Variants in ITPA observed in about 807,000 individuals in gnomAD.
The protein encoded by ITPA is inosine triphosphate pyrophosphatase.
In ITPA, 29 loss-of-function variants were observed where a neutral mutation model predicts 29.6. The observed-to-expected ratio is 0.98, with a 90% CI of 0.73 to 1.34. The LOEUF is 1.34. ITPA is among the 40% of genes most tolerant of loss of function. The probability of loss-of-function intolerance (pLI) is 0.00; values close to 1 mark genes in which losing one functional copy is unlikely to be tolerated. For missense variants in ITPA, 241 were observed against 251.5 expected (o/e 0.96, Z 0.28); for synonymous variants, 103 against 99.3 (o/e 1.04, Z -0.22).
downstream of ITPA, chr20:3,227,341 A>C (rs2067567273): frequency 8.1e-6 from 2 of 247,538 alleles, no homozygotes; most frequent in Admixed American, 9.7e-5. Context: ...TGTCCCTTGC[A>C]TTCCACTTCC....
intron 1 of ITPA, among the ~76,000 whole-genome samples, chr20:3,212,510 G>A (rs763717666): frequency 2.0e-5 from 3 of 152,012 alleles, no homozygotes; most frequent in Non-Finnish European, 4.4e-5. Context: ...TTGTAAAGAT[G>A]GGGTTTTGCC....
rs1349381823 is a variant in ITPA, at chr20:3,214,033, C to G, written c.238C>G (p.Leu80Val). 6.2e-7 allele frequency: 1 copy of G among 1,614,222 alleles called. No individual in the cohort carries two copies. Among genetic ancestry groups the G allele is most frequent in the South Asian group, 1.1e-5 (1 of 91,086 alleles). ...VEDTCLCFNALGGLPGPYIKW... is the reference protein window; with the variant it reads ...VEDTCLCFNAVGGLPGPYIKW... Reference sequence around the variant, plus strand: ...GGACACTTGTCTGTGCTTCAATGCCCTTGGAGGGCTCCCCGGCCCCTACAT... The same window carrying G: ...GGACACTTGTCTGTGCTTCAATGCCGTTGGAGGGCTCCCCGGCCCCTACAT... Residue 80 changes from leucine to valine, a missense_variant, in exon 4 of 8, where the codon CTT becomes GTT. Coordinates refer to ENST00000380113, the MANE Select transcript of ITPA (RefSeq NM_033453.4).
chr20:3,213,437 G>C, intron 3 of ITPA, 54 bp downstream of exon 3: 4 of 1,608,948 alleles, frequency 2.5e-6, no homozygotes, highest in Non-Finnish European at 3.4e-6. Flanking sequence ...GTAGCTTCCA[G>C]GGCCTGCGCC....
intron 5 of ITPA, 68 bp downstream of exon 5, chr20:3,215,380 G>A: frequency 6.9e-7 from 1 of 1,449,298 alleles, no homozygotes; most frequent in Non-Finnish European, 9.7e-7. Flanking sequence ...CTAGGGGAGG[G>A]ACCCCAACTA....
chr20:3,212,165 C>T (rs2067189584), intron 1 of ITPA, among the ~76,000 whole-genome samples: 1 of 149,216 alleles, frequency 6.7e-6, no homozygotes, highest in Non-Finnish European at 1.5e-5. Flanking sequence ...AGAGAGAGAC[C>T]CTCTCTCAAA....
At chr20:3,215,463 C>T in intron 5 of ITPA, 151 bp downstream of exon 5, 2 of 722,466 alleles carry the variant, frequency 2.8e-6, no homozygotes, top group Non-Finnish European at 5.0e-6. Context: ...GCACCTGCAG[C>T]TCGTACCCTG....
downstream of ITPA, among the ~76,000 whole-genome samples, chr20:3,225,250 C>T (rs2067542659): frequency 6.6e-6 from 1 of 152,072 alleles, no homozygotes; most frequent in Non-Finnish European, 1.5e-5. Context: ...TCCTAGCAAA[C>T]AACTTTAAAA....
intron 5 of ITPA, among the ~76,000 whole-genome samples, chr20:3,218,103 A>G (rs1357204211): frequency 6.6e-6 from 1 of 151,300 alleles, no homozygotes; most frequent in African/African-American, 2.4e-5. Context: ...TATTTTTAGT[A>G]GAGACGGGGT....
At position 3,209,871 on chromosome 20, in the gene ITPA, G is replaced by C. The variant is rs2067132507; in HGVS notation, c.66+254G>C. ...CCGACACAGGGCTTGTGTGGTCAGC[G>C]ACTGCGGGACCCGGAGGAGTAGCGG... On this transcript the variant is annotated intron_variant, in intron 1 of 7. Transcript: ENST00000380113. The surrounding 1 kb of genome is among the most constrained non-coding windows in gnomAD (Gnocchi z 4.6). Among the ~76,000 whole-genome samples, 1 of 152,164 alleles carries C rather than the reference G, an allele frequency of 6.6e-6. No homozygotes were observed. Among genetic ancestry groups the C allele is most frequent in the Non-Finnish European group, 1.5e-5 (1 of 68,026 alleles).
upstream of ITPA, among the ~76,000 whole-genome samples, chr20:3,204,297 G>A (rs1006887992): frequency 6.6e-6 from 1 of 152,190 alleles, no homozygotes; most frequent in Admixed American, 6.5e-5. Flanking sequence ...GTTCCCGGGG[G>A]TGAAGAGAGG....
intron 6 of ITPA, among the ~76,000 whole-genome samples, chr20:3,221,378 C>T (rs1266621067): frequency 1.3e-5 from 2 of 152,098 alleles, no homozygotes; most frequent in Admixed American, 6.5e-5. Context: ...CTTCCTGTTG[C>T]GGTGTTTCAT....
upstream of ITPA, among the ~76,000 whole-genome samples, chr20:3,206,033 G>A (rs1182441146): frequency 6.9e-6 from 1 of 144,802 alleles, no homozygotes; most frequent in Non-Finnish European, 1.5e-5. Context: ...ACCAGCCTGA[G>A]CGACAGAGCA....
upstream of ITPA, among the ~76,000 whole-genome samples, chr20:3,207,861 G>A (rs572650015): frequency 1.7e-4 from 26 of 151,698 alleles, no homozygotes; most frequent in Admixed American, 1.7e-3. Context: ...TGGGCGTCGT[G>A]GGGGGTGCTT....
At chr20:3,213,887 C>G (rs944690707) in intron 3 of ITPA, 98 bp from the exon 4 acceptor site, 1 of 1,244,178 alleles carries the variant, frequency 8.0e-7, no homozygotes, top group Admixed American at 1.7e-5. Context: ...TCTCAGCTAG[C>G]TGAGGGCTGG....
At chr20:3,208,654 G>A (rs2067106870), upstream of ITPA, among the ~76,000 whole-genome samples, 2 of 152,234 alleles carry the variant, frequency 1.3e-5, no homozygotes, top group Middle Eastern at 3.2e-3. Flanking sequence ...GGGATTACAG[G>A]CGTGAGCCAC....
At chr20:3,206,013 A>G (rs1479159336), upstream of ITPA, among the ~76,000 whole-genome samples, 2 of 148,132 alleles carry the variant, frequency 1.4e-5, no homozygotes, top group Non-Finnish European at 3.0e-5. Context: ...CCAAGATTGC[A>G]CCACTGCACA....
Position 3,209,819 on chromosome 20 carries a change from G to C in ITPA, c.66+202G>C, listed in dbSNP as rs1294798786. Among the ~76,000 whole-genome samples the C allele has an allele frequency of 6.6e-6, 1 of 152,202 alleles. No individual in the cohort carries two copies. The highest frequency in any genetic ancestry group is 1.5e-5 in the Non-Finnish European group (1 of 68,020). On this transcript the variant is annotated intron_variant, in intron 1 of 7. Transcript: ENST00000380113. The surrounding 1 kb of genome is among the most constrained non-coding windows in gnomAD (Gnocchi z 4.6). Reference sequence around the variant, plus strand: ...GCAGAATCGGGGCGCCCCGGGGTTGGCGAGGGAACGAGGGTCTCGACAGAT... The same window carrying C: ...GCAGAATCGGGGCGCCCCGGGGTTGCCGAGGGAACGAGGGTCTCGACAGAT...
rs2067474149 is a variant in ITPA, at chr20:3,221,905, G to T, written c.476G>T (p.Gly159Val). 1.2e-6 allele frequency: 2 copies of T among 1,613,838 alleles called. No homozygotes were observed. The highest frequency in any genetic ancestry group is 3.3e-5 in the Admixed American group (2 of 60,008). Residue 159 changes from glycine to valine, a missense_variant, in exon 7 of 8, where the codon GGA becomes GTA. Transcript: ENST00000380113. ...FGWDPCFQPDGYEQTYAEMPK... is the reference protein window; with the variant it reads ...FGWDPCFQPDVYEQTYAEMPK... ...TGGGACCCCTGCTTTCAGCCTGATG[G>T]ATATGAGCAGACGTAAGGAGCCCTG...
rs1350215454 is a variant in ITPA, at chr20:3,223,686, C to T, written c.*224C>T. The T allele has an allele frequency of 5.1e-6, 3 of 586,820 alleles. No homozygotes were observed. Among genetic ancestry groups the T allele is most frequent in the Non-Finnish European group, 6.1e-6 (2 of 327,358 alleles). The allele number at this position is 586,820 out of a possible 1,614,324, so 36.4% of individuals were successfully genotyped here. ...TGCCCTTAGGATTCACTGCTCTCTC[C>T]TACAGCCGCCAGGCCTGGGGTCCTG... is the stretch of plus-strand genomic sequence containing the variant. On this transcript the variant is annotated 3_prime_UTR_variant, in exon 8 of 8. Transcript: ENST00000380113.
Sources: gnomAD v4.1 joint callset for allele counts (sites outside exome capture counted in the v4.1 genomes callset) on GRCh38, gnomAD v4.1.1 for gene constraint, Gnocchi (gnomAD v3.1) non-coding constraint, MANE v1.5 for transcripts, NCBI Gene and HGNC (gene_info 2026-07-23, HGNC 2026-07-21) for gene names.